SEZ6: variants seen among roughly 807,000 people sequenced by gnomAD.
SEZ6 encodes seizure related 6 homolog, also known as seizure protein 6 homolog.
A neutral mutation model predicts 101.0 loss-of-function variants in SEZ6; 53 were observed. The observed-to-expected ratio is 0.52, with a 90% CI of 0.42 to 0.66. The LOEUF is 0.66. SEZ6 is among the 30% of genes least tolerant of loss of function. SEZ6 has a pLI of 0.00. For missense variants in SEZ6, 1,102 were observed against 1,289.4 expected (o/e 0.85, Z 2.23); for synonymous variants, 488 against 512.2 (o/e 0.95, Z 0.64).
At chr17:28,972,522 C>T (rs541530135) in intron 3 of SEZ6, among the ~76,000 whole-genome samples, 1 of 152,280 alleles carries the variant, frequency 6.6e-6, no homozygotes, top group South Asian at 2.1e-4. Flanking sequence ...GGTCTTTGGG[C>T]TGAAGAGAAG....
chr17:28,981,846 C>T lies in SEZ6; in HGVS notation c.249G>A (p.Lys83=), dbSNP rs2041311289. ...LEEFLQEGLE[K]GDEELRPALP... is the part of the protein sequence containing the mutation. ...GTGCTGGCCTCAGCTCCTCATCTCC[C>T]TTTTCCAGCCCCTCTTGTAGGAATT... The change falls in exon 2 of 17, where the codon AAG becomes AAA. Residue 83 remains lysine, a synonymous_variant. Coordinates refer to ENST00000317338, the MANE Select transcript of SEZ6 (RefSeq NM_178860.5). 1.2e-6 allele frequency: 2 copies of T among 1,613,786 alleles called. No homozygotes were observed. Among genetic ancestry groups the T allele is most frequent in the Non-Finnish European group, 1.7e-6 (2 of 1,179,862 alleles).
At chr17:29,004,545 G>C (rs987338199) in intron 1 of SEZ6, among the ~76,000 whole-genome samples, 5 of 152,130 alleles carry the variant, frequency 3.3e-5, no homozygotes, top group Non-Finnish European at 5.9e-5. Context: ...CTGCGTCTCC[G>C]GGGCCACAGT....
chr17:28,961,632 TGGCTTGG>T, intron 5 of SEZ6, among the ~76,000 whole-genome samples: 1 of 152,366 alleles, frequency 6.6e-6, no homozygotes, highest in East Asian at 1.9e-4. Flanking sequence ...CTGACCCTAC[TGGCTTGG>T]GGCTGTCCTC....
chr17:28,957,503 C>G lies in SEZ6; in HGVS notation c.2339G>C (p.Ser780Thr). 6.2e-7 allele frequency: 1 copy of G among 1,613,904 alleles called. No individual in the cohort carries two copies. The highest frequency in any genetic ancestry group is 1.1e-5 in the South Asian group (1 of 91,070). ...CTTGGGGCTGGATATGAGGCGTCGG[C>G]TGTGCTCCACATCTCCAGGATCGTG... Reference protein sequence around the residue: ...SCHDPGDVEHSRRLISSPKFP... With the variant: ...SCHDPGDVEHTRRLISSPKFP... The change falls in exon 12 of 17, where the codon AGC becomes ACC. Residue 780 changes from serine to threonine, a missense_variant. Ser to Thr is a moderately conservative substitution (Grantham distance 58). This residue lies in a region of SEZ6 where 556 missense variants were observed against 735.1 expected (regional missense o/e 0.76). Transcript: ENST00000317338.
At position 28,959,891 on chromosome 17, in the gene SEZ6, G is replaced by A; in HGVS notation, c.1578C>T (p.Ala526=). The change falls in exon 8 of 17, where the codon GCC becomes GCT. Residue 526 remains alanine, a splice_region_variant and synonymous_variant. Transcript: ENST00000317338. The surrounding 1 kb of genome is among the most constrained non-coding windows in gnomAD (Gnocchi z 4.4). Reference sequence around the variant, plus strand: ...GCTCATAGCAATGGCCCTGCTGGAAGGCTGTAAACCACAGGTCCCAGCCCA... The same window carrying A: ...GCTCATAGCAATGGCCCTGCTGGAAAGCTGTAAACCACAGGTCCCAGCCCA... ...AAAGMALRYE[A]FQQGHCYEPF... 6.2e-7 allele frequency: 1 copy of A among 1,606,086 alleles called. No homozygotes were observed. Among genetic ancestry groups the A allele is most frequent in the Non-Finnish European group, 8.5e-7 (1 of 1,176,326 alleles).
chr17:28,963,533 C>T (rs1027017414), intron 5 of SEZ6, among the ~76,000 whole-genome samples: 1 of 152,182 alleles, frequency 6.6e-6, no homozygotes, highest in African/African-American at 2.4e-5. Context: ...CCTCTATGTC[C>T]CTGCCCACGT....
Position 28,955,987 on chromosome 17 carries a change from G to T in SEZ6, c.2960C>A (p.Ser987Tyr). The change falls in exon 17 of 17, where the codon TCC becomes TAC. Residue 987 changes from serine to tyrosine, a missense_variant. Ser to Tyr is a moderately radical substitution (Grantham distance 144). Around this residue, in one of 3 missense-constraint regions of SEZ6, gnomAD observed 140 missense variants for 135.7 expected, o/e 1.03. Coordinates refer to ENST00000317338, the MANE Select transcript of SEZ6 (RefSeq NM_178860.5). ...DNPTYETGSLSFAGDERI is the reference protein window; with the variant it reads ...DNPTYETGSLYFAGDERI ...TCATATTCTCTCGTCTCCTGCAAAG[G>T]AAAGAGACTGCTGGGAGTTGGAAAC... 1 of 1,612,830 alleles carries T rather than the reference G, an allele frequency of 6.2e-7. No individual in the cohort carries two copies. Among genetic ancestry groups the T allele is most frequent in the Non-Finnish European group, 8.5e-7 (1 of 1,179,444 alleles).
chr17:28,958,988 G>T (rs1474379856), intron 10 of SEZ6, 37 bp downstream of exon 10: 1 of 1,574,202 alleles, frequency 6.4e-7, no homozygotes. Flanking sequence ...GCCATGGCTT[G>T]CTGTCTGCAC....
chr17:28,982,057 G>A lies in SEZ6; in HGVS notation c.56-18C>T. 6.4e-7 allele frequency: 1 copy of A among 1,555,290 alleles called. No homozygotes were observed. Among genetic ancestry groups the A allele is most frequent in the Non-Finnish European group, 8.7e-7 (1 of 1,152,498 alleles). On this transcript the variant is annotated intron_variant, in intron 1 of 16. Transcript: ENST00000317338. Reference sequence around the variant, plus strand: ...AGAGAGTCCTGAAATAATAAGGGATGGTCAGAGGTTCTCCCCCTGCTCCAG... The same window carrying A: ...AGAGAGTCCTGAAATAATAAGGGATAGTCAGAGGTTCTCCCCCTGCTCCAG...
Position 28,959,395 on chromosome 17 carries a change from G to T in SEZ6, c.1849C>A (p.Gln617Lys). The change falls in exon 9 of 17, where the codon CAG (glutamine) becomes AAG (lysine). Residue 617 changes from glutamine (Q) to lysine (K), a missense_variant. Physicochemically the swap from Gln to Lys is moderately conservative, Grantham distance 53. Around this residue, in one of 3 missense-constraint regions of SEZ6, gnomAD observed 556 missense variants for 735.1 expected, o/e 0.76. Transcript: ENST00000317338. This position sits in a 1 kb window ranked among gnomAD's most constrained non-coding sequence, Gnocchi z 4.4. ...ACATGCACACCCCAGATACAATCCT[G>T]CCCACGACCGTAGGGCTCTGGCCAG... is the stretch of plus-strand genomic sequence containing the variant. ...PNWPEPYGRG[Q>K]DCIWGVHVEE... is the part of the protein sequence containing the mutation. The T allele has an allele frequency of 6.2e-7, 1 of 1,613,908 alleles. No homozygotes were observed. The highest frequency in any genetic ancestry group is 8.5e-7 in the Non-Finnish European group (1 of 1,179,870).
At chr17:28,964,649 A>G (rs2041035123) in intron 4 of SEZ6, among the ~76,000 whole-genome samples, 2 of 152,238 alleles carry the variant, frequency 1.3e-5, no homozygotes, top group African/African-American at 4.8e-5. Context: ...TTTTTCCTTT[A>G]GGGAATAAAT....
At chr17:28,971,379 G>T (rs1181928742) in intron 3 of SEZ6, among the ~76,000 whole-genome samples, 2 of 152,056 alleles carry the variant, frequency 1.3e-5, no homozygotes, top group East Asian at 1.9e-4. Context: ...GATCACCTGA[G>T]GTCAGGATTT....
In SEZ6 at chr17:28,981,561, G is replaced by A. The variant is rs770799462; in HGVS notation, c.534C>T (p.Ser178=). ...CCTCTTGGGTTGGTGTCCAGGCTCT[G>A]CTGGGGGGTGTAGTGCTGGCTATCT... ...PGEIASTTPP[S]RAWTPTQEGP... The change falls in exon 2 of 17, where the codon AGC becomes AGT. Residue 178 remains serine (S), a synonymous_variant. Transcript: ENST00000317338. 6.2e-7 allele frequency: 1 copy of A among 1,612,406 alleles called. No individual in the cohort carries two copies. The highest frequency in any genetic ancestry group is 8.5e-7 in the Non-Finnish European group (1 of 1,179,192).
At chr17:28,979,880 C>CGTGTGTGTGTGTGT in intron 2 of SEZ6, 67 bp from the exon 3 acceptor site, 1 of 856,692 alleles carries the variant, frequency 1.2e-6, no homozygotes, top group Non-Finnish European at 1.7e-6. Flanking sequence ...AAGGCTGAAC[C>CGTGTGTGTGTGTGT]GTGTGTGTGT....
chr17:29,000,222 G>A (rs970085010), intron 1 of SEZ6, among the ~76,000 whole-genome samples: 1 of 152,074 alleles, frequency 6.6e-6, no homozygotes, highest in Non-Finnish European at 1.5e-5. Context: ...CTGTAGTGAA[G>A]CTCTCCCCTA....
chr17:28,970,793 A>G (rs567594373), intron 3 of SEZ6, among the ~76,000 whole-genome samples: 2 of 152,264 alleles, frequency 1.3e-5, no homozygotes, highest in Non-Finnish European at 2.9e-5. Context: ...GTGGCTCCCC[A>G]TTGAGTCTGT....
intron 1 of SEZ6, among the ~76,000 whole-genome samples, chr17:28,985,759 G>A (rs2152690366): frequency 6.6e-6 from 1 of 152,304 alleles, no homozygotes; most frequent in Non-Finnish European, 1.5e-5. Context: ...TGACCCTGAG[G>A]ATGTCAAATA....
At chr17:29,004,544 C>T (rs181372997) in intron 1 of SEZ6, among the ~76,000 whole-genome samples, 2 of 152,298 alleles carry the variant, frequency 1.3e-5, no homozygotes, top group Non-Finnish European at 2.9e-5. Context: ...TCTGCGTCTC[C>T]GGGGCCACAG....
rs778297227 is a variant in SEZ6, at chr17:28,959,260, G to C, written c.1911-39C>G. On this transcript the variant is annotated intron_variant, in intron 9 of 16. Coordinates refer to ENST00000317338, the MANE Select transcript of SEZ6 (RefSeq NM_178860.5). This position sits in a 1 kb window ranked among gnomAD's most constrained non-coding sequence, Gnocchi z 4.4. ...GCGTCAGGGCAGAGCCGGCCTGGGG[G>C]CCCGAGGATGGGCTGGACAAGGGAT... The C allele has an allele frequency of 4.8e-5, 77 of 1,612,442 alleles. 1 individual carries two copies. In the East Asian group the frequency reaches 1.7e-3, roughly 35 times the overall value.
Sources: gnomAD v4.1 joint callset for allele counts (sites outside exome capture counted in the v4.1 genomes callset) on GRCh38, gnomAD v4.1.1 for gene constraint, gnomAD v4.1.1 regional missense constraint, Gnocchi (gnomAD v3.1) non-coding constraint, MANE v1.5 for transcripts, NCBI Gene and HGNC (gene_info 2026-07-23, HGNC 2026-07-21) for gene names.